The following KCNQ1 variants were observed in gnomAD, a reference collection of about 807,000 sequenced individuals.
KCNQ1 encodes the protein potassium voltage-gated channel subfamily Q member 1.
In KCNQ1, 49 loss-of-function variants were observed where a neutral mutation model predicts 72.4. That is an observed-to-expected ratio of 0.68 (90% CI 0.54 to 0.86). The LOEUF is 0.86. Among genes scored for constraint, KCNQ1 ranks in the 40% least tolerant of loss-of-function variants. KCNQ1 has a pLI of 0.00. For synonymous variants in KCNQ1, 450 were observed against 412.6 expected (o/e 1.09, Z -1.10); for missense variants, 790 against 945.1 (o/e 0.84, Z 2.15).
intron 11 of KCNQ1, chr11:2,689,392 G>A: frequency 2.5e-6 from 1 of 398,708 alleles, no homozygotes; most frequent in Admixed American, 4.4e-5. Context: ...GGTGGAAGAA[G>A]CCCACTCTTG....
At chr11:2,836,190 C>T (rs191173929) in intron 15 of KCNQ1, among the ~76,000 whole-genome samples, 227 of 152,184 alleles carry the variant, frequency 1.5e-3, no homozygotes, top group African/African-American at 4.4e-3. Context: ...GAGAGGGACA[C>T]GACTAGTGGC....
At chr11:2,709,421 GT>G (rs56962600) in intron 11 of KCNQ1, among the ~76,000 whole-genome samples, 96,228 of 150,288 alleles carry the variant, frequency 0.64, 32,189 homozygotes, top group East Asian at 0.99. Context: ...CTGCAGGGCT[GT>G]TTTTTTTTTA....
rs1361775637 is a variant in KCNQ1 at position 2,828,888 on chromosome 11, T to G, written c.1795-18879T>G. ...CACATTTCCAGAGAGAAAAAGTAAG[T>G]CACACACAAGAGAATAGAAAATCAA... On this transcript the variant is annotated intron_variant, in intron 15 of 15. Coordinates refer to ENST00000155840, the MANE Select transcript of KCNQ1 (RefSeq NM_000218.3). This position sits in a 1 kb window ranked among gnomAD's most constrained non-coding sequence, Gnocchi z 5.3. 6.6e-6 allele frequency among the ~76,000 whole-genome samples: 1 copy of G among 152,104 alleles called. No individual in the cohort carries two copies. The highest frequency in any genetic ancestry group is 1.5e-5 in the Non-Finnish European group (1 of 68,022).
At chr11:2,490,957 C>T (rs1255765870) in intron 1 of KCNQ1, among the ~76,000 whole-genome samples, 6 of 152,274 alleles carry the variant, frequency 3.9e-5, no homozygotes, top group South Asian at 2.1e-4. Flanking sequence ...CTGCCCGCCT[C>T]GGCCTCCCAA....
intron 10 of KCNQ1, chr11:2,634,791 C>T (rs1383699993): frequency 2.6e-5 from 4 of 152,214 alleles, no homozygotes; most frequent in Non-Finnish European, 5.9e-5. Flanking sequence ...TTTACAGTCC[C>T]ACCAACAGTG....
In KCNQ1 at chr11:2,549,686, T is replaced by C. The variant is rs1348796928; in HGVS notation, c.478-20942T>C. On this transcript the variant is annotated intron_variant, in intron 2 of 15. Coordinates refer to ENST00000155840, the MANE Select transcript of KCNQ1 (RefSeq NM_000218.3). The surrounding 1 kb of genome is among the most constrained non-coding windows in gnomAD (Gnocchi z 6.2). ...CCTGGGGTGGGAACAAGAGGCGTTT[T>C]GTGTTCTGCATGGGTGGCCCTGGGC... Among the ~76,000 whole-genome samples, 1 of 152,026 alleles carries C rather than the reference T, an allele frequency of 6.6e-6. No homozygotes were observed. The highest frequency in any genetic ancestry group is 6.5e-5 in the Admixed American group (1 of 15,282).
chr11:2,448,673 T>C (rs1205486208), intron 1 of KCNQ1, among the ~76,000 whole-genome samples: 2 of 152,200 alleles, frequency 1.3e-5, no homozygotes, highest in South Asian at 2.1e-4. Context: ...TCTCTCCATC[T>C]TCTTTAAGAT....
At chr11:2,649,177 A>G (rs1372502602) in intron 10 of KCNQ1, 3 of 398,012 alleles carry the variant, frequency 7.5e-6, no homozygotes, top group East Asian at 3.6e-5. Context: ...GCCAGTATCT[A>G]TCTTTCATTT....
rs1201395054 is a variant in KCNQ1 at position 2,627,730 on chromosome 11, G to T, written c.1394-34231G>T. Reference sequence around the variant, plus strand: ...TGTGATGTGTTTATTTGGGAATTTGGTGATACACACACACACACTATTTTC... The same window carrying T: ...TGTGATGTGTTTATTTGGGAATTTGTTGATACACACACACACACTATTTTC... On this transcript the variant is annotated intron_variant, in intron 10 of 15. Transcript: ENST00000155840. This position sits in a 1 kb window ranked among gnomAD's most constrained non-coding sequence, Gnocchi z 4.9. 2.5e-6 allele frequency: 1 copy of T among 398,010 alleles called. No individual in the cohort carries two copies. The highest frequency in any genetic ancestry group is 4.4e-5 in the Admixed American group (1 of 22,642). The allele number at this position is 398,010 out of a possible 1,614,324, so 24.7% of individuals were successfully genotyped here.
intron 15 of KCNQ1, among the ~76,000 whole-genome samples, chr11:2,843,858 C>T (rs1399177463): frequency 6.6e-6 from 1 of 152,170 alleles, no homozygotes; most frequent in Admixed American, 6.5e-5. Flanking sequence ...TTGGTGAGTG[C>T]AGGCCGGGCA....
chr11:2,729,498 A>G (rs1435900471), intron 11 of KCNQ1, among the ~76,000 whole-genome samples: 1 of 152,246 alleles, frequency 6.6e-6, no homozygotes, highest in Non-Finnish European at 1.5e-5. Context: ...ATGTCCACCA[A>G]TGGGAGACGT....
Position 2,783,040 on chromosome 11 carries a change from T to C in KCNQ1, c.1794+5003T>C, listed in dbSNP as rs192516054. ...AGGCTTCCTAAATTTCCTTTTCGTT[T>C]TAATTTTTCTAACCACTGTCAATCT... On this transcript the variant is annotated intron_variant, in intron 15 of 15. Transcript: ENST00000155840. The surrounding 1 kb of genome is among the most constrained non-coding windows in gnomAD (Gnocchi z 5.2). Among the ~76,000 whole-genome samples the C allele has an allele frequency of 3.9e-3, 597 of 152,338 alleles. 3 individuals carry two copies. Among genetic ancestry groups the C allele is most frequent in the Non-Finnish European group, 6.6e-3 (452 of 68,006 alleles).
chr11:2,767,653 G>T lies in KCNQ1; in HGVS notation c.1515-1191G>T, dbSNP rs1431485665. 6.6e-6 allele frequency among the ~76,000 whole-genome samples: 1 copy of T among 152,154 alleles called. No homozygotes were observed. The highest frequency in any genetic ancestry group is 1.5e-5 in the Non-Finnish European group (1 of 68,024). ...GGTGGGGTTAATGTGATGGAAAGTT[G>T]GCATTGCTTAGTTTCTGGGGCTGCC... On this transcript the variant is annotated intron_variant, in intron 11 of 15. Coordinates refer to ENST00000155840, the MANE Select transcript of KCNQ1 (RefSeq NM_000218.3). This position sits in a 1 kb window ranked among gnomAD's most constrained non-coding sequence, Gnocchi z 4.6.
In KCNQ1 at chr11:2,579,477, G is replaced by A. The variant is rs754759811; in HGVS notation, c.922-3958G>A. Among the ~76,000 whole-genome samples, 5 of 152,216 alleles carry A rather than the reference G, an allele frequency of 3.3e-5. No individual in the cohort carries two copies. Among genetic ancestry groups the A allele is most frequent in the African/African-American group, 1.2e-4 (5 of 41,450 alleles). On this transcript the variant is annotated intron_variant, in intron 6 of 15. Transcript: ENST00000155840. This position sits in a 1 kb window ranked among gnomAD's most constrained non-coding sequence, Gnocchi z 6.0. ...AGACATGTGGATCTGCATTCCAGGT[G>A]GTGGGCCATCAGGGACTAATCCCCA...
rs894525741 is a variant in KCNQ1, at chr11:2,562,305, G to A, written c.478-8323G>A. ...CCACAAGCTCTCAGCACAGGCTGGCGGCTGGGAGCAGCTGGCCACAGGCAG... is the reference window on the plus strand; with the variant it reads ...CCACAAGCTCTCAGCACAGGCTGGCAGCTGGGAGCAGCTGGCCACAGGCAG... On this transcript the variant is annotated intron_variant, in intron 2 of 15. Coordinates refer to ENST00000155840, the MANE Select transcript of KCNQ1 (RefSeq NM_000218.3). This position sits in a 1 kb window ranked among gnomAD's most constrained non-coding sequence, Gnocchi z 7.5. Among the ~76,000 whole-genome samples, 4 of 152,140 alleles carry A rather than the reference G, an allele frequency of 2.6e-5. No homozygotes were observed. The highest frequency in any genetic ancestry group is 4.4e-5 in the Non-Finnish European group (3 of 67,990).
Position 2,752,741 on chromosome 11 carries a change from G to A in KCNQ1, c.1515-16103G>A, listed in dbSNP as rs1159691162. Among the ~76,000 whole-genome samples, 2 of 152,166 alleles carry A rather than the reference G, an allele frequency of 1.3e-5. No homozygotes were observed. The highest frequency in any genetic ancestry group is 6.5e-5 in the Admixed American group (1 of 15,278). On this transcript the variant is annotated intron_variant, in intron 11 of 15. Transcript: ENST00000155840. This position sits in a 1 kb window ranked among gnomAD's most constrained non-coding sequence, Gnocchi z 5.2. The stretch of plus-strand genomic sequence containing the variant: ...CATCTCCTAACACCATCAGGGCTGC[G>A]GGTTAGCTTTCGACATAGGGACTTT...
chr11:2,466,088 A>G (rs912395593), intron 1 of KCNQ1, among the ~76,000 whole-genome samples: 1 of 152,056 alleles, frequency 6.6e-6, no homozygotes, highest in Non-Finnish European at 1.5e-5. Flanking sequence ...CTGCCCATCC[A>G]CCCAGGGGGC....
intron 10 of KCNQ1, chr11:2,643,776 G>A (rs1222783994): frequency 7.5e-6 from 3 of 398,462 alleles, no homozygotes; most frequent in African/African-American, 2.1e-5. Flanking sequence ...TGTAGTGCCA[G>A]TGTAGTGGCA....
chr11:2,777,861 G>A, intron 14 of KCNQ1, 115 bp from the exon 15 acceptor site: 1 of 833,752 alleles, frequency 1.2e-6, no homozygotes, highest in South Asian at 1.3e-5. Context: ...GTAGGTTTAG[G>A]CATTTTGACT....
Sources: gnomAD v4.1 joint callset for allele counts (sites outside exome capture counted in the v4.1 genomes callset) on GRCh38, gnomAD v4.1.1 for gene constraint, Gnocchi (gnomAD v3.1) non-coding constraint, MANE v1.5 for transcripts, NCBI Gene and HGNC (gene_info 2026-07-23, HGNC 2026-07-21) for gene names.